Variants in SDK1 observed in about 807,000 individuals in gnomAD.
SDK1 encodes the protein sidekick cell adhesion molecule 1.
SDK1 carries 157 observed loss-of-function variants against 245.5 expected under a neutral mutation model. The observed-to-expected ratio is 0.64, with a 90% CI of 0.56 to 0.73. The LOEUF is 0.73. SDK1 is among the 30% of genes least tolerant of loss of function. The pLI, the probability that SDK1 is intolerant of heterozygous loss-of-function variation, is 0.00. For missense variants in SDK1, 3,583 were observed against 3,002.3 expected (o/e 1.19, Z -4.52); for synonymous variants, 1,647 against 1,278.5 (o/e 1.29, Z -6.15).
chr7:3,747,523 G>T (rs1199023219), intron 4 of SDK1, among the ~76,000 whole-genome samples: 1 of 152,160 alleles, frequency 6.6e-6, no homozygotes, highest in Admixed American at 6.6e-5. Context: ...ATGCTGTCGT[G>T]GGCCTTGTCT....
chr7:3,657,035 C>T (rs1000416076), intron 4 of SDK1, among the ~76,000 whole-genome samples: 2 of 152,176 alleles, frequency 1.3e-5, no homozygotes, highest in Non-Finnish European at 2.9e-5. Flanking sequence ...GCGTGAGCCA[C>T]CGCGCCCGGC....
At chr7:3,641,707 G>T (rs1782652710) in intron 3 of SDK1, among the ~76,000 whole-genome samples, 2 of 152,238 alleles carry the variant, frequency 1.3e-5, no homozygotes, top group South Asian at 4.1e-4. Flanking sequence ...GTATTGTCAG[G>T]TAGGACAAAG....
At chr7:3,591,757 T>A (rs530967339) in intron 1 of SDK1, among the ~76,000 whole-genome samples, 2 of 152,366 alleles carry the variant, frequency 1.3e-5, no homozygotes, top group East Asian at 3.9e-4. Flanking sequence ...GGTGTTCATA[T>A]ATTGCTTTTG....
intron 13 of SDK1, among the ~76,000 whole-genome samples, chr7:3,986,671 C>T (rs912245140): frequency 3.4e-4 from 52 of 152,100 alleles, no homozygotes; most frequent in Non-Finnish European, 2.9e-5. Flanking sequence ...CCAACCTGGC[C>T]AAGATGGTGT....
chr7:3,509,161 A>C lies in SDK1; in HGVS notation c.299-109919A>C, dbSNP rs116776208. ...CATCCATCCATCTTAAGGTGTCAGA[A>C]TATTAAGTAAGATTAAGTTGTGTTA... On this transcript the variant is annotated intron_variant, in intron 1 of 44. Transcript: ENST00000404826. Among the ~76,000 whole-genome samples, 201 of 152,186 alleles carry C rather than the reference A, an allele frequency of 1.3e-3. 3 individuals carry two copies. Among genetic ancestry groups the C allele is most frequent in the African/African-American group, 4.7e-3 (195 of 41,514 alleles).
rs139516357 is a variant in SDK1, at chr7:4,088,105, C to G, written c.3324+8521C>G. On this transcript the variant is annotated intron_variant, in intron 22 of 44. Coordinates refer to ENST00000404826, the MANE Select transcript of SDK1 (RefSeq NM_152744.4). The stretch of plus-strand genomic sequence containing the variant: ...TGTTGGATTACCTGCCGAGGTCACA[C>G]AGCCAAGCCATGAAGCCGGATTGGA... Among the ~76,000 whole-genome samples the G allele has an allele frequency of 6.7e-3, 1,017 of 152,296 alleles. 12 individuals are homozygous for G. The highest frequency in any genetic ancestry group is 0.012 in the African/African-American group (488 of 41,556).
chr7:3,595,526 C>T (rs1478432889), intron 1 of SDK1, among the ~76,000 whole-genome samples: 1 of 151,904 alleles, frequency 6.6e-6, no homozygotes, highest in African/African-American at 2.4e-5. Context: ...TAAAACTCAC[C>T]AGCACTACTG....
Position 3,353,835 on chromosome 7 carries a change from G to A in SDK1, c.298+51951G>A, listed in dbSNP as rs140563110. Among the ~76,000 whole-genome samples, 34 of 152,226 alleles carry A rather than the reference G, an allele frequency of 2.2e-4. No individual in the cohort carries two copies. In the East Asian group the frequency reaches 5.0e-3, roughly 23 times the overall value. ...AAAAAGCAGCCTCCCATGTTTGAGC[G>A]TGTCCTGCATGTCAGTTTCCATGCA... On this transcript the variant is annotated intron_variant, in intron 1 of 44. Transcript: ENST00000404826.
chr7:3,517,431 G>A (rs1782788966), intron 1 of SDK1, among the ~76,000 whole-genome samples: 1 of 152,040 alleles, frequency 6.6e-6, no homozygotes, highest in African/African-American at 2.4e-5. Flanking sequence ...ATGCATCATG[G>A]TTCTACAGAA....
At chr7:3,754,801 T>C (rs776219450) in intron 4 of SDK1, among the ~76,000 whole-genome samples, 41 of 152,276 alleles carry the variant, frequency 2.7e-4, no homozygotes, top group South Asian at 1.9e-3. Flanking sequence ...ACAGCTAGTG[T>C]GGAAATAATG....
chr7:4,088,777 C>A (rs774452563), intron 22 of SDK1, among the ~76,000 whole-genome samples: 10 of 152,138 alleles, frequency 6.6e-5, no homozygotes, highest in Non-Finnish European at 1.2e-4. Context: ...TGAACTTGGC[C>A]TTTTCTGGTT....
intron 1 of SDK1, among the ~76,000 whole-genome samples, chr7:3,521,613 T>C (rs1040541096): frequency 1.3e-5 from 2 of 152,102 alleles, no homozygotes; most frequent in Non-Finnish European, 2.9e-5. Flanking sequence ...AAAGGCCTTA[T>C]AGAGGAGGAA....
chr7:4,003,663 G>C (rs1248219368), intron 14 of SDK1, among the ~76,000 whole-genome samples: 1 of 152,226 alleles, frequency 6.6e-6, no homozygotes, highest in Non-Finnish European at 1.5e-5. Flanking sequence ...CCCTGTCAAC[G>C]TGACTCATCA....
At chr7:4,150,576 C>T (rs1364600989) in intron 30 of SDK1, among the ~76,000 whole-genome samples, 2 of 152,212 alleles carry the variant, frequency 1.3e-5, no homozygotes, top group East Asian at 3.9e-4. Context: ...CACCCAGCCT[C>T]CGTGGCGCCC....
intron 2 of SDK1, among the ~76,000 whole-genome samples, chr7:3,629,788 A>G (rs1469524258): frequency 5.3e-5 from 8 of 152,374 alleles, no homozygotes. Flanking sequence ...AAGATCATCA[A>G]GCATATGCAG....
chr7:3,975,872 G>A lies in SDK1; in HGVS notation c.1994+1327G>A, dbSNP rs191381441. ...CAGAATCAGCCGGCGGCAGTGGTGCGGGGGTCCTGGTGCTGCAGCTGCAAA... is the reference window on the plus strand; with the variant it reads ...CAGAATCAGCCGGCGGCAGTGGTGCAGGGGTCCTGGTGCTGCAGCTGCAAA... On this transcript the variant is annotated intron_variant, in intron 13 of 44. Transcript: ENST00000404826. 2.8e-3 allele frequency among the ~76,000 whole-genome samples: 430 copies of A among 152,328 alleles called. 2 individuals are homozygous for A. The highest frequency in any genetic ancestry group is 7.7e-3 in the African/African-American group (321 of 41,548).
intron 1 of SDK1, among the ~76,000 whole-genome samples, chr7:3,527,166 G>A (rs1783166399): frequency 6.6e-6 from 1 of 152,092 alleles, no homozygotes; most frequent in African/African-American, 2.4e-5. Flanking sequence ...TTCTTTTAAT[G>A]TGTCAGCATA....
intron 1 of SDK1, among the ~76,000 whole-genome samples, chr7:3,439,212 T>C (rs955195651): frequency 6.6e-6 from 1 of 152,144 alleles, no homozygotes; most frequent in Non-Finnish European, 1.5e-5. Flanking sequence ...TTTGGGGTGG[T>C]GGTTAGACAC....
intron 1 of SDK1, among the ~76,000 whole-genome samples, chr7:3,444,815 C>T (rs1164456232): frequency 6.6e-6 from 1 of 152,168 alleles, no homozygotes; most frequent in Non-Finnish European, 1.5e-5. Context: ...TTAAAATCTC[C>T]TGCAAATGTG....
Sources: allele counts gnomAD v4.1 joint callset (sites outside exome capture counted in the v4.1 genomes callset), GRCh38; gene constraint gnomAD v4.1.1; transcripts MANE v1.5; gene names NCBI Gene and HGNC (gene_info 2026-07-23, HGNC 2026-07-21).